The following TMC5 variants were observed in gnomAD, a reference collection of about 807,000 sequenced individuals.
The protein encoded by TMC5 is transmembrane channel-like protein 5.
TMC5 carries 86 observed loss-of-function variants against 110.5 expected under a neutral mutation model. That is an observed-to-expected ratio of 0.78 (90% CI 0.65 to 0.93). The LOEUF (loss-of-function observed/expected upper bound fraction) is 0.93, where lower values mean the gene tolerates loss of function less well. TMC5 is among the 40% of genes least tolerant of loss of function. The probability of loss-of-function intolerance (pLI) is 0.00; values close to 1 mark genes in which losing one functional copy is unlikely to be tolerated. For synonymous variants in TMC5, 455 were observed against 439.5 expected, an observed-to-expected ratio of 1.04 and a Z score of -0.44; for missense variants, 1,144 against 1,222.8, an observed-to-expected ratio of 0.94 and a Z score of 0.96.
chr16:19,463,515 G>A (rs1968082231), intron 7 of TMC5, 148 bp downstream of exon 7: 1 of 833,952 alleles, frequency 1.2e-6, no homozygotes, highest in Non-Finnish European at 1.9e-6. Flanking sequence ...GGAAAAGCGA[G>A]GTGGGCATGG....
intron 12 of TMC5, among the ~76,000 whole-genome samples, chr16:19,476,605 C>T (rs908590853): frequency 1.2e-4 from 18 of 152,166 alleles, no homozygotes; most frequent in African/African-American, 4.1e-4. Flanking sequence ...TGGCAGTGTA[C>T]GCTGGGTCAG....
chr16:19,462,632 G>A (rs1968054033), intron 6 of TMC5: 8 of 659,204 alleles, frequency 1.2e-5, no homozygotes, highest in Non-Finnish European at 2.2e-5. Context: ...GGGTGTGGTG[G>A]CTCATGCCTG....
At chr16:19,432,987 TTG>T (rs370842273) in intron 2 of TMC5, among the ~76,000 whole-genome samples, 91 of 152,194 alleles carry the variant, frequency 6.0e-4, no homozygotes, top group African/African-American at 2.1e-3. Context: ...ATGGATATCT[TTG>T]TGTGTATATA....
At position 19,490,345 on chromosome 16, in the gene TMC5, C is replaced by T. The variant is rs8062507; in HGVS notation, c.2574-50C>T. On this transcript the variant is annotated intron_variant, in intron 17 of 21. Transcript: ENST00000542583. ...AAGGGACACCCTGATTCTAGAATAA[C>T]CATCCCTGAGTCTTGTGCTAGAGAT... 7.9e-3 allele frequency: 12,377 copies of T among 1,575,946 alleles called. 828 individuals carry two copies. The African/African-American group carries it at 0.14, about 18-fold the overall frequency.
chr16:19,463,345 A>G lies in TMC5; in HGVS notation c.1214A>G (p.Gln405Arg). 6.2e-7 allele frequency: 1 copy of G among 1,613,930 alleles called. No individual in the cohort carries two copies. The highest frequency in any genetic ancestry group is 8.5e-7 in the Non-Finnish European group (1 of 1,179,802). Residue 405 changes from glutamine (Q) to arginine (R), a missense_variant, in exon 7 of 22, where the codon CAG (glutamine) becomes CGG (arginine). Physicochemically the swap from Gln to Arg is conservative, Grantham distance 43 (BLOSUM62 1). Transcript: ENST00000542583. ...ATCCTTCAGCTCAATTGCTGTATTC[A>G]GTGTCTGAACTCCATTTCCCGGGTA... is the stretch of plus-strand genomic sequence containing the variant. Reference protein sequence around the residue: ...HRILQLNCCIQCLNSISRAYR... With the variant: ...HRILQLNCCIRCLNSISRAYR...
Position 19,474,210 on chromosome 16 carries a change from A to C in TMC5, c.2024A>C (p.Tyr675Ser). 2 of 1,613,604 alleles carry C rather than the reference A, an allele frequency of 1.2e-6. No homozygotes were observed. The highest frequency in any genetic ancestry group is 1.1e-5 in the South Asian group (1 of 91,054). The stretch of plus-strand genomic sequence containing the variant: ...ATTAATCTGGCCGTGCCATGCATCT[A>C]CTCCATGTTCAGGCTTGTGGAGAGG... The part of the protein sequence containing the change: ...SCINLAVPCI[Y>S]SMFRLVERYE... Residue 675 changes from tyrosine (Y) to serine (S), a missense_variant, in exon 12 of 22, where the codon TAC becomes TCC. By Grantham distance (144) the Tyr-to-Ser change is moderately radical (BLOSUM62 -2). Coordinates refer to ENST00000542583, the MANE Select transcript of TMC5 (RefSeq NM_001261841.2).
chr16:19,460,665 C>A (rs751155940), intron 6 of TMC5, among the ~76,000 whole-genome samples: 1 of 152,144 alleles, frequency 6.6e-6, no homozygotes, highest in Non-Finnish European at 1.5e-5. Flanking sequence ...AAAGATAAGT[C>A]ATGTGATGGG....
intron 8 of TMC5, among the ~76,000 whole-genome samples, chr16:19,465,002 T>C (rs1483655695): frequency 1.3e-4 from 3 of 23,800 alleles, no homozygotes; most frequent in East Asian, 1.1e-3. Flanking sequence ...TTTCCTTTTG[T>C]CTTTCTTTCT....
At chr16:19,438,582 A>ATATAATTTT (rs1967410047) in intron 2 of TMC5, among the ~76,000 whole-genome samples, 4 of 151,682 alleles carry the variant, frequency 2.6e-5, no homozygotes, top group Admixed American at 6.6e-5. Context: ...CCCTGTCTCT[A>ATATAATTTT]CTAAAAATAC....
At chr16:19,476,340 C>G (rs917992101) in intron 12 of TMC5, among the ~76,000 whole-genome samples, 1 of 151,946 alleles carries the variant, frequency 6.6e-6, no homozygotes, top group African/African-American at 2.4e-5. Flanking sequence ...GAGTGAGACC[C>G]TGTCGGAAGA....
At chr16:19,428,444 G>T (rs991832586) in intron 1 of TMC5, among the ~76,000 whole-genome samples, 3 of 151,702 alleles carry the variant, frequency 2.0e-5, no homozygotes, top group Admixed American at 6.6e-5. Flanking sequence ...AAAGTACTGC[G>T]ATTACAAGCT....
chr16:19,450,893 C>T (rs189645811), intron 5 of TMC5, among the ~76,000 whole-genome samples: 96 of 152,220 alleles, frequency 6.3e-4, no homozygotes, highest in Non-Finnish European at 1.2e-3. Flanking sequence ...AGATAGAAGG[C>T]GCTGCAATCA....
chr16:19,464,857 TG>T (rs1968118732), intron 8 of TMC5, among the ~76,000 whole-genome samples: 1 of 151,946 alleles, frequency 6.6e-6, no homozygotes, highest in African/African-American at 2.4e-5. Context: ...TTTTTCTTCC[TG>T]TACAAACGTT....
At chr16:19,466,882 T>G (rs1054596689) in intron 9 of TMC5, among the ~76,000 whole-genome samples, 1 of 152,122 alleles carries the variant, frequency 6.6e-6, no homozygotes, top group Non-Finnish European at 1.5e-5. Context: ...ACGGTGCTCA[T>G]GCCTGTAATC....
At chr16:19,454,020 A>C (rs1967808878) in intron 5 of TMC5, among the ~76,000 whole-genome samples, 1 of 152,058 alleles carries the variant, frequency 6.6e-6, no homozygotes, top group Non-Finnish European at 1.5e-5. Context: ...CTCAGTTGGC[A>C]AGAATGAATG....
At chr16:19,465,466 T>C (rs1256687510) in intron 8 of TMC5, among the ~76,000 whole-genome samples, 1 of 151,602 alleles carries the variant, frequency 6.6e-6, no homozygotes, top group Non-Finnish European at 1.5e-5. Flanking sequence ...ACCCGGGAGG[T>C]TGCAGTGAGC....
chr16:19,450,355 T>A (rs1967720820), intron 5 of TMC5, among the ~76,000 whole-genome samples: 1 of 152,132 alleles, frequency 6.6e-6, no homozygotes, highest in South Asian at 2.1e-4. Flanking sequence ...TGGCACGTAG[T>A]AGGTATTTTA....
Position 19,474,256 on chromosome 16 carries a change from A to G in TMC5, c.2070A>G (p.Glu690=), listed in dbSNP as rs773265756. The stretch of plus-strand genomic sequence containing the variant: ...AGAGGTACGAGATGCCACGGCACGA[A>G]GTCTACGTTCTCCTGATCCGGTAGG... ...LVERYEMPRH[E]VYVLLIRNIF... Residue 690 remains glutamate, a synonymous_variant, in exon 12 of 22, where the codon GAA becomes GAG. Transcript: ENST00000542583. The G allele has an allele frequency of 6.2e-7, 1 of 1,614,098 alleles. No homozygotes were observed. The highest frequency in any genetic ancestry group is 8.5e-7 in the Non-Finnish European group (1 of 1,179,976).
chr16:19,461,321 A>G (rs1968015816), intron 6 of TMC5, among the ~76,000 whole-genome samples: 1 of 152,224 alleles, frequency 6.6e-6, no homozygotes, highest in Non-Finnish European at 1.5e-5. Flanking sequence ...CATGCCTGTA[A>G]TCCCAGCACT....
Sources: allele counts gnomAD v4.1 joint callset (sites outside exome capture counted in the v4.1 genomes callset), GRCh38; gene constraint gnomAD v4.1.1; transcripts MANE v1.5; gene names NCBI Gene and HGNC (gene_info 2026-07-23, HGNC 2026-07-21).